The following ZNF414 variants were observed in gnomAD, a reference collection of about 807,000 sequenced individuals.
ZNF414 encodes zinc finger protein 414.
A neutral mutation model predicts 38.3 loss-of-function variants in ZNF414; 32 were observed. The observed-to-expected ratio is 0.83, with a 90% CI of 0.63 to 1.12. The LOEUF (loss-of-function observed/expected upper bound fraction) is 1.12. ZNF414 is among the 50% of genes most tolerant of loss of function. The pLI is 0.00. For synonymous variants in ZNF414, 256 were observed against 248.0 expected (o/e 1.03, Z -0.30); for missense variants, 589 against 557.4 (o/e 1.06, Z -0.57).
rs887474013 is a variant in ZNF414, at chr19:8,511,471, G to A, written c.925+15C>T. 6.8e-6 allele frequency: 11 copies of A among 1,610,362 alleles called. No homozygotes were observed. Among genetic ancestry groups the A allele is most frequent in the Admixed American group, 1.7e-5 (1 of 59,638 alleles). ...AAAGCCCCTCCACCCCTCCCTGGTG[G>A]TCACCTGCACGCACCTGAGGGCGCG... On this transcript the variant is annotated intron_variant, in intron 6 of 7. Coordinates refer to ENST00000393927, the MANE Select transcript of ZNF414 (RefSeq NM_001146175.2).
In ZNF414 at chr19:8,513,270, C is replaced by T; in HGVS notation, c.75G>A (p.Lys25=). The T allele has an allele frequency of 6.3e-7, 1 of 1,595,988 alleles. No individual in the cohort carries two copies. Among genetic ancestry groups the T allele is most frequent in the Non-Finnish European group, 8.5e-7 (1 of 1,178,324 alleles). ...CTGGCACAGCCGGGGACAACACCTCCTTGTCGGTCTCACTGGAGCTGGGCT... is the reference window on the plus strand; with the variant it reads ...CTGGCACAGCCGGGGACAACACCTCTTTGTCGGTCTCACTGGAGCTGGGCT... ...TAEPSSSETD[K]EVLSPAVPAA... The change falls in exon 2 of 8, where the codon AAG becomes AAA. Residue 25 remains lysine (K), a synonymous_variant. Transcript: ENST00000393927.
At chr19:8,512,813 C>T (rs1599892282) in intron 2 of ZNF414, 102 bp from the exon 3 acceptor site, 1 of 1,236,642 alleles carries the variant, frequency 8.1e-7, no homozygotes, top group South Asian at 1.6e-5. Flanking sequence ...GTGCTGGGGC[C>T]TTTACTCTCT....
chr19:8,511,973 A>G lies in ZNF414; in HGVS notation c.531-13T>C, dbSNP rs1206683327. The G allele has an allele frequency of 2.1e-6, 3 of 1,412,012 alleles. No homozygotes were observed. The highest frequency in any genetic ancestry group is 2.7e-6 in the Non-Finnish European group (3 of 1,091,800). The allele number at this position is 1,412,012 out of a possible 1,614,324, so 87.5% of individuals were successfully genotyped here. A position where few individuals can be genotyped will look rare whatever the true frequency, so the allele number is the denominator to read the frequency against. Reference sequence around the variant, plus strand: ...GCAGTTCTCACACCTGGAGGTGGGCAGAGGGCTGGGCTGGGCTGGGCCTCC... The same window carrying G: ...GCAGTTCTCACACCTGGAGGTGGGCGGAGGGCTGGGCTGGGCTGGGCCTCC... On this transcript the variant is annotated splice_polypyrimidine_tract_variant and intron_variant, in intron 4 of 7. Coordinates refer to ENST00000393927, the MANE Select transcript of ZNF414 (RefSeq NM_001146175.2).
Position 8,512,117 on chromosome 19 carries a change from A to T in ZNF414, c.531-157T>A, listed in dbSNP as rs1418342713. ...ACTGTGGCAGCGACCCTTCCTGACCACTTCGGGTGGGAACCTGGGGAAACC... is the reference window on the plus strand; with the variant it reads ...ACTGTGGCAGCGACCCTTCCTGACCTCTTCGGGTGGGAACCTGGGGAAACC... On this transcript the variant is annotated intron_variant, in intron 4 of 7. Coordinates refer to ENST00000393927, the MANE Select transcript of ZNF414 (RefSeq NM_001146175.2). 5 of 1,418,444 alleles carry T rather than the reference A, an allele frequency of 3.5e-6. No homozygotes were observed. The South Asian group carries it at 7.8e-5, about 22-fold the overall frequency. 87.9% of individuals were successfully genotyped at this position (1,418,444 alleles called of 1,614,324 possible). A position where few individuals can be genotyped will look rare whatever the true frequency, so the allele number is the denominator to read the frequency against.
Position 8,512,398 on chromosome 19 carries a change from A to C in ZNF414, c.519T>G (p.Asn173Lys), listed in dbSNP as rs762263766. ...GGTCAGGGTCTCACTTGAAGTAGCG[A>C]TTGGGTTTGTAGTGCAGTTTGCTGT... ...VAHSKLHYKP[N>K]RYFKCENCLL... Residue 173 changes from asparagine to lysine, a missense_variant, in exon 4 of 8, where the codon AAT becomes AAG. By Grantham distance (94) the Asn-to-Lys change is moderately conservative. Transcript: ENST00000393927. 33 of 1,613,766 alleles carry C rather than the reference A, an allele frequency of 2.0e-5. No homozygotes were observed. In the South Asian group the frequency reaches 3.6e-4, roughly 18 times the overall value.
intron 6 of ZNF414, 166 bp downstream of exon 6, chr19:8,511,320 C>A (rs534594921): frequency 2.1e-6 from 3 of 1,441,966 alleles, no homozygotes; most frequent in African/African-American, 2.9e-5. Context: ...CAGATGAAGG[C>A]GCAGGTGCCA....
intron 6 of ZNF414, 28 bp downstream of exon 6, chr19:8,511,457 AC>A: frequency 6.2e-7 from 1 of 1,606,332 alleles, no homozygotes; most frequent in East Asian, 2.3e-5. Context: ...AAGCCCCTCC[AC>A]CCCTCCCTGG....
chr19:8,512,241 C>A (rs1168221677), intron 4 of ZNF414, 146 bp downstream of exon 4: 4 of 1,453,844 alleles, frequency 2.8e-6, no homozygotes, highest in Non-Finnish European at 3.7e-6. Context: ...CCGCCCCATC[C>A]AGGGAGTTGA....
rs752546842 is a variant in ZNF414, at chr19:8,511,736, G to T, written c.755C>A (p.Pro252Gln). The T allele has an allele frequency of 1.4e-6, 2 of 1,464,646 alleles. No homozygotes were observed. Among genetic ancestry groups the T allele is most frequent in the Non-Finnish European group, 9.0e-7 (1 of 1,114,650 alleles). The allele number at this position is 1,464,646 out of a possible 1,614,324, so 90.7% of individuals were successfully genotyped here. A position where few individuals can be genotyped will look rare whatever the true frequency, so the allele number is the denominator to read the frequency against. ...CGCAGGGTTCAAGTAGGGCAGGAAC[G>T]GTCCGGTGGGGGCAGGGGCGGGGGT... ...FTTPAPAPTG[P>Q]FLPYLNPAPF... The change falls in exon 5 of 8, where the codon CCG becomes CAG. Residue 252 changes from proline (P) to glutamine (Q), a missense_variant. Coordinates refer to ENST00000393927, the MANE Select transcript of ZNF414 (RefSeq NM_001146175.2).
rs899783550 is a variant in ZNF414, at chr19:8,514,160, C to A, written c.-114G>T. 3.1e-6 allele frequency: 4 copies of A among 1,303,770 alleles called. No individual in the cohort carries two copies. In the African/African-American group the frequency reaches 4.6e-5, roughly 15 times the overall value. 80.8% of individuals were successfully genotyped at this position (1,303,770 alleles called of 1,614,324 possible). A position where few individuals can be genotyped will look rare whatever the true frequency, so the allele number is the denominator to read the frequency against. ...CACGTCAGCGCCATTTTCCACCTCT[C>A]AGCTCTCGCGAGACTGGGGGCGGGG... On this transcript the variant is annotated 5_prime_UTR_variant, in exon 1 of 8. Coordinates refer to ENST00000393927, the MANE Select transcript of ZNF414 (RefSeq NM_001146175.2).
chr19:8,514,031 G>C lies in ZNF414; in HGVS notation c.3+13C>G. 1 of 1,467,984 alleles carries C rather than the reference G, an allele frequency of 6.8e-7. No individual in the cohort carries two copies. Among genetic ancestry groups the C allele is most frequent in the South Asian group, 1.3e-5 (1 of 76,154 alleles). The allele number at this position is 1,467,984 out of a possible 1,614,324, so 90.9% of individuals were successfully genotyped here. A position where few individuals can be genotyped will look rare whatever the true frequency, so the allele number is the denominator to read the frequency against. On this transcript the variant is annotated intron_variant, in intron 1 of 7. Coordinates refer to ENST00000393927, the MANE Select transcript of ZNF414 (RefSeq NM_001146175.2). ...CAGCTCCGCCGCGCCCGCGACCCCG[G>C]TGCCGCGCTCACCATCTTCGACACG...
intron 2 of ZNF414, 58 bp downstream of exon 2, chr19:8,512,971 G>A (rs998979339): frequency 3.5e-6 from 5 of 1,423,266 alleles, no homozygotes; most frequent in South Asian, 3.1e-5. Context: ...GATTCTCTAC[G>A]TCTCGCTTCT....
intron 6 of ZNF414, 57 bp downstream of exon 6, chr19:8,511,429 C>A (rs1299599911): frequency 6.3e-7 from 1 of 1,587,802 alleles, no homozygotes; most frequent in East Asian, 2.3e-5. Context: ...CACCAGACCC[C>A]GCAGGGCGCA....
At chr19:8,512,550 GC>G in intron 3 of ZNF414, 53 bp downstream of exon 3, 3 of 1,609,596 alleles carry the variant, frequency 1.9e-6, no homozygotes, top group Non-Finnish European at 2.5e-6. Context: ...GCTCCGAGGG[GC>G]TCCGCCTGTT....
Position 8,510,507 on chromosome 19 carries a change from A to G in ZNF414, c.*184T>C, listed in dbSNP as rs1241404590. 6.9e-6 allele frequency: 4 copies of G among 582,654 alleles called. No individual in the cohort carries two copies. Among genetic ancestry groups the G allele is most frequent in the Non-Finnish European group, 1.1e-5 (4 of 360,740 alleles). 36.1% of individuals were successfully genotyped at this position (582,654 alleles called of 1,614,324 possible). On this transcript the variant is annotated 3_prime_UTR_variant, in exon 8 of 8. Coordinates refer to ENST00000393927, the MANE Select transcript of ZNF414 (RefSeq NM_001146175.2). ...TGTGGACCCAGGTGGTCCTCCCAAGATGTGATCAATCCATGACTGCTGGGC... is the reference window on the plus strand; with the variant it reads ...TGTGGACCCAGGTGGTCCTCCCAAGGTGTGATCAATCCATGACTGCTGGGC...
intron 4 of ZNF414, 147 bp from the exon 5 acceptor site, chr19:8,512,107 C>A: frequency 7.0e-7 from 1 of 1,419,756 alleles, no homozygotes; most frequent in Non-Finnish European, 9.2e-7. Flanking sequence ...GGCAGCGACC[C>A]TTCCTGACCA....
chr19:8,513,941 C>T, intron 1 of ZNF414, 103 bp downstream of exon 1: 7 of 1,287,326 alleles, frequency 5.4e-6, no homozygotes, highest in Non-Finnish European at 7.0e-6. Flanking sequence ...GACGGGTGCC[C>T]GGATGTGGGG....
At position 8,511,902 on chromosome 19, in the gene ZNF414, C is replaced by A; in HGVS notation, c.589G>T (p.Val197Phe). 1 of 1,413,382 alleles carries A rather than the reference C, an allele frequency of 7.1e-7. No individual in the cohort carries two copies. The highest frequency in any genetic ancestry group is 9.2e-7 in the Non-Finnish European group (1 of 1,091,300). The allele number at this position is 1,413,382 out of a possible 1,614,324, so 87.6% of individuals were successfully genotyped here. A position where few individuals can be genotyped will look rare whatever the true frequency, so the allele number is the denominator to read the frequency against. ...GGGCTCTGCGCATGCTCCGCGCAAACATGCAGGTGCTTGAAGAGCGAGCGG... is the reference window on the plus strand; with the variant it reads ...GGGCTCTGCGCATGCTCCGCGCAAAAATGCAGGTGCTTGAAGAGCGAGCGG... Reference protein sequence around the residue: ...THRSLFKHLHVCAEHAQSPAP... With the variant: ...THRSLFKHLHFCAEHAQSPAP... Residue 197 changes from valine to phenylalanine, a missense_variant, in exon 5 of 8, where the codon GTT (valine) becomes TTT (phenylalanine). Physicochemically the swap from Val to Phe is conservative, Grantham distance 50. Coordinates refer to ENST00000393927, the MANE Select transcript of ZNF414 (RefSeq NM_001146175.2).
chr19:8,511,431 C>A (rs1399131775), intron 6 of ZNF414, 55 bp downstream of exon 6: 1 of 1,590,798 alleles, frequency 6.3e-7, no homozygotes, highest in East Asian at 2.3e-5. Flanking sequence ...CCAGACCCCG[C>A]AGGGCGCAGG....
Sources: gnomAD v4.1 joint callset for allele counts on GRCh38, gnomAD v4.1.1 for gene constraint, MANE v1.5 for transcripts, NCBI Gene and HGNC (gene_info 2026-07-23, HGNC 2026-07-21) for gene names.